CLCN4: variants seen among roughly 807,000 people sequenced by gnomAD.
CLCN4 encodes the protein H(+)/Cl(-) exchange transporter 4.
CLCN4 carries 1 observed loss-of-function variant against 41.7 expected under a neutral mutation model. The ratio of observed to expected loss-of-function variants is 0.02; its 90% confidence interval spans 0.01 to 0.11. The LOEUF (loss-of-function observed/expected upper bound fraction) is 0.11. CLCN4 is among the 10% of genes least tolerant of loss of function. The pLI, the probability that CLCN4 is intolerant of heterozygous loss-of-function variation, is 1.00. For synonymous variants in CLCN4, 277 were observed against 285.8 expected, an observed-to-expected ratio of 0.97 and a Z score of 0.31; for missense variants, 287 against 661.0, an observed-to-expected ratio of 0.43 and a Z score of 6.20.
rs1291577442 is a variant in CLCN4 at position 10,236,216 on chromosome X, A to G, written c.*2632A>G. ...AATCTGGCTGAGGCCATGGGGGGGAATGAGGGGAAATTATGCTTCCGGGCC... is the reference window on the plus strand; with the variant it reads ...AATCTGGCTGAGGCCATGGGGGGGAGTGAGGGGAAATTATGCTTCCGGGCC... On this transcript the variant is annotated 3_prime_UTR_variant, in exon 13 of 13. Transcript: ENST00000380833. 9.0e-6 allele frequency: 1 copy of G among 111,698 alleles called. No individual in the cohort carries two copies. The highest frequency in any genetic ancestry group is 3.3e-5 in the African/African-American group (1 of 30,681). The allele number at this position is 111,698 out of a possible 1,213,427, so 9.2% of individuals were successfully genotyped here.
chrX:10,186,217 C>T (rs1175354620), intron 3 of CLCN4, among the ~76,000 whole-genome samples: 1 of 110,733 alleles, frequency 9.0e-6, no homozygotes, highest in South Asian at 3.9e-4. Flanking sequence ...TCACAGGTGG[C>T]GAGAACTCTG....
intron 4 of CLCN4, among the ~76,000 whole-genome samples, chrX:10,189,007 C>T (rs1467170529): frequency 1.8e-5 from 2 of 112,062 alleles, no homozygotes; most frequent in African/African-American, 6.5e-5. Flanking sequence ...AGTGGCATTT[C>T]CCGTCATGTA....
chrX:10,197,992 G>A lies in CLCN4; in HGVS notation c.486G>A (p.Leu162=), dbSNP rs149935413. The A allele has an allele frequency of 9.1e-6, 11 of 1,208,535 alleles. No individual in the cohort carries two copies. The African/African-American group carries it at 1.6e-4, about 17-fold the overall frequency. Residue 162 remains leucine (L), a synonymous_variant, in exon 6 of 13, where the codon CTG becomes CTA. Coordinates refer to ENST00000380833, the MANE Select transcript of CLCN4 (RefSeq NM_001830.4). Reference sequence around the variant, plus strand: ...TAATGTACATCCTATGGGCGCTGCTGTTTGCATTTTTGGCTGTCTCCCTGG... The same window carrying A: ...TAATGTACATCCTATGGGCGCTGCTATTTGCATTTTTGGCTGTCTCCCTGG... ...NYLMYILWAL[L]FAFLAVSLVR...
intron 2 of CLCN4, among the ~76,000 whole-genome samples, chrX:10,166,113 G>A (rs371774046): frequency 1.4e-4 from 16 of 112,179 alleles, no homozygotes; most frequent in African/African-American, 5.2e-4. Flanking sequence ...CCAGAAGAGC[G>A]AGGGATTTCC....
intron 12 of CLCN4, among the ~76,000 whole-genome samples, chrX:10,222,037 C>T: frequency 8.9e-6 from 1 of 112,847 alleles, no homozygotes; most frequent in Non-Finnish European, 1.9e-5. Context: ...ATATTATGCT[C>T]AGATTGTTCC....
At chrX:10,202,193 G>T (rs1330144128) in intron 6 of CLCN4, among the ~76,000 whole-genome samples, 1 of 110,941 alleles carries the variant, frequency 9.0e-6, no homozygotes, top group Non-Finnish European at 1.9e-5. Context: ...AAAATAAGCG[G>T]CAGAGTGTGG....
chrX:10,209,973 C>T lies in CLCN4; in HGVS notation c.1389+1383C>T, dbSNP rs372837903. Among the ~76,000 whole-genome samples the T allele has an allele frequency of 6.3e-3, 702 of 110,992 alleles. 7 individuals are homozygous for T. The highest frequency in any genetic ancestry group is 0.021 in the African/African-American group (648 of 30,473). On this transcript the variant is annotated intron_variant, in intron 9 of 12. Transcript: ENST00000380833. The stretch of plus-strand genomic sequence containing the variant: ...CTTTAGAACATTTTCATCCCCCAAA[C>T]GGAAATCCCATCTCCATTAACAGTC...
chrX:10,167,952 C>A (rs776758349), intron 2 of CLCN4, among the ~76,000 whole-genome samples: 4 of 112,526 alleles, frequency 3.6e-5, no homozygotes, highest in Admixed American at 9.4e-5. Context: ...AGGCTCTGGC[C>A]ATAGCTGCCT....
At chrX:10,177,374 C>T (rs1477085605) in intron 2 of CLCN4, among the ~76,000 whole-genome samples, 1 of 112,090 alleles carries the variant, frequency 8.9e-6, no homozygotes, top group Non-Finnish European at 1.9e-5. Context: ...AGAGAATGAA[C>T]AGATAGTTAC....
chrX:10,157,888 G>A (rs1455291721), intron 1 of CLCN4, among the ~76,000 whole-genome samples: 1 of 112,631 alleles, frequency 8.9e-6, no homozygotes, highest in Non-Finnish European at 1.9e-5. Flanking sequence ...GTAGAAATAC[G>A]TGGTGTCACC....
chrX:10,173,800 A>G (rs1923446677), intron 2 of CLCN4, among the ~76,000 whole-genome samples: 1 of 111,805 alleles, frequency 8.9e-6, no homozygotes, highest in African/African-American at 3.3e-5. Flanking sequence ...GGTCTAGGTG[A>G]CGTAAGCTGG....
At chrX:10,161,539 A>G (rs768325844) in intron 2 of CLCN4, among the ~76,000 whole-genome samples, 4 of 112,394 alleles carry the variant, frequency 3.6e-5, no homozygotes, top group Non-Finnish European at 7.5e-5. Context: ...ATTCGGCCCA[A>G]ACAAACGTGT....
At chrX:10,205,699 C>T (rs1419099792) in intron 6 of CLCN4, among the ~76,000 whole-genome samples, 1 of 105,944 alleles carries the variant, frequency 9.4e-6, no homozygotes, top group Non-Finnish European at 1.9e-5. Context: ...CCTTGACCTT[C>T]CGGGCTCAAG....
At chrX:10,206,220 C>A in intron 6 of CLCN4, 138 bp from the exon 7 acceptor site, 1 of 463,674 alleles carries the variant, frequency 2.2e-6, no homozygotes, top group East Asian at 3.7e-5. Flanking sequence ...ATAGTTAAAT[C>A]AAAAATGAAA....
chrX:10,180,887 G>A (rs763552333), intron 2 of CLCN4, among the ~76,000 whole-genome samples: 3 of 110,408 alleles, frequency 2.7e-5, no homozygotes, highest in Non-Finnish European at 5.7e-5. Context: ...AGAGGCCTGG[G>A]AACCCCAGCT....
chrX:10,167,795 C>G (rs1335012270), intron 2 of CLCN4, among the ~76,000 whole-genome samples: 1 of 112,719 alleles, frequency 8.9e-6, no homozygotes, highest in East Asian at 2.8e-4. Flanking sequence ...ACACTGCTCC[C>G]CACTTCCTGA....
In CLCN4 at chrX:10,169,789, T is replaced by TC. The variant is rs201209057; in HGVS notation, c.-12+11238_-12+11239insC. 5.0e-3 allele frequency among the ~76,000 whole-genome samples: 310 copies of TC among 62,128 alleles called. 3 individuals carry two copies. The highest frequency in any genetic ancestry group is 0.027 in the African/African-American group (267 of 10,023). The allele number at this position is 62,128 out of a possible 115,157, so 54.0% of individuals were successfully genotyped here. A position where few individuals can be genotyped will look rare whatever the true frequency, so the allele number is the denominator to read the frequency against. On this transcript the variant is annotated intron_variant, in intron 2 of 12. Transcript: ENST00000380833. Reference sequence around the variant, plus strand: ...TCTTTTTTTTTCTTTTTCTTTTCTTTTCTTTTTTTTTTTTTTTGAGATAGA... The same window carrying TC: ...TCTTTTTTTTTCTTTTTCTTTTCTTTCTCTTTTTTTTTTTTTTTGAGATAGA...
chrX:10,158,725 C>T (rs1035877193), intron 2 of CLCN4, among the ~76,000 whole-genome samples, 174 bp downstream of exon 2: 1 of 113,441 alleles, frequency 8.8e-6, no homozygotes, highest in South Asian at 3.5e-4. Context: ...GCTGCATGCA[C>T]CCGGCCGGGG....
chrX:10,199,447 G>C (rs1924180060), intron 6 of CLCN4, among the ~76,000 whole-genome samples: 1 of 112,528 alleles, frequency 8.9e-6, no homozygotes. Flanking sequence ...GGTGTCGCAA[G>C]GGCTGCAACT....
Sources: gnomAD v4.1 joint callset for allele counts (sites outside exome capture counted in the v4.1 genomes callset) on GRCh38, gnomAD v4.1.1 for gene constraint, MANE v1.5 for transcripts, NCBI Gene and HGNC (gene_info 2026-07-23, HGNC 2026-07-21) for gene names.